The following XPO6 variants were observed in gnomAD, a reference collection of about 807,000 sequenced individuals.
XPO6 encodes exportin-6.
Under a neutral mutation model 130.0 loss-of-function variants are expected in XPO6, and 3 were observed. The ratio of observed to expected loss-of-function variants is 0.02; its 90% CI spans 0.01 to 0.06. The LOEUF is 0.06. Ranked by LOEUF, XPO6 falls within the 10% of genes least tolerant of loss-of-function variation. The pLI is 1.00. For missense variants in XPO6, 970 were observed against 1,393.0 expected (o/e 0.70, Z 4.83); for synonymous variants, 524 against 548.9 (o/e 0.95, Z 0.63).
At chr16:28,171,452 C>CAAAAAAAAAAAAAAAAAA in intron 4 of XPO6, among the ~76,000 whole-genome samples, 2 of 99,108 alleles carry the variant, frequency 2.0e-5, no homozygotes, top group Middle Eastern at 5.7e-3. Flanking sequence ...GACTCTGTCT[C>CAAAAAAAAAAAAAAAAAA]AAAAAAAAAA....
rs778547858 is a variant in XPO6, at chr16:28,107,646, G to C, written c.2373C>G (p.Val791=). The C allele has an allele frequency of 1.2e-6, 2 of 1,614,072 alleles. No homozygotes were observed. Among genetic ancestry groups the C allele is most frequent in the Admixed American group, 1.7e-5 (1 of 60,024 alleles). Residue 791 remains valine (V), a synonymous_variant, in exon 18 of 24, where the codon GTC becomes GTG. Coordinates refer to ENST00000304658, the MANE Select transcript of XPO6 (RefSeq NM_015171.4). ...TKLIIHQTLS[V]LEDIVENISG... The stretch of plus-strand genomic sequence containing the variant: ...AGATATTCTCCACAATATCTTCTAA[G>C]ACGCTGAGTGTCTGGTGGATAATCA...
chr16:28,156,214 G>T lies in XPO6; in HGVS notation c.957C>A (p.Leu319=), dbSNP rs765183621. The change falls in exon 7 of 24, where the codon CTC becomes CTA. Residue 319 remains leucine, a synonymous_variant. Coordinates refer to ENST00000304658, the MANE Select transcript of XPO6 (RefSeq NM_015171.4). ...CCATAGGCACACAGTTCTTGGACAT[G>T]AGTTCATTGATGCAGGACATGGCCA... is the stretch of plus-strand genomic sequence containing the variant. The part of the protein sequence containing the change: ...GVLAMSCINE[L]MSKNCVPMEF... The T allele has an allele frequency of 1.2e-6, 2 of 1,614,170 alleles. No homozygotes were observed.
At chr16:28,192,336 G>A (rs2043800554) in intron 1 of XPO6, among the ~76,000 whole-genome samples, 1 of 151,830 alleles carries the variant, frequency 6.6e-6, no homozygotes, top group Non-Finnish European at 1.5e-5. Context: ...ATTACTACTG[G>A]GAACTGGGGT....
At position 28,132,178 on chromosome 16, in the gene XPO6, C is replaced by A. The variant is rs1284756132; in HGVS notation, c.1606+156G>T. On this transcript the variant is annotated intron_variant, in intron 12 of 23. Coordinates refer to ENST00000304658, the MANE Select transcript of XPO6 (RefSeq NM_015171.4). This position sits in a 1 kb window ranked among gnomAD's most constrained non-coding sequence, Gnocchi z 4.0. ...TCCCCCACAGCTTTTCATCATAAGC[C>A]TTTAAAAACGTTCCCTGTTTCGAAG... Among the ~76,000 whole-genome samples, 1 of 152,192 alleles carries A rather than the reference C, an allele frequency of 6.6e-6. No individual in the cohort carries two copies. The highest frequency in any genetic ancestry group is 1.5e-5 in the Non-Finnish European group (1 of 68,028).
chr16:28,176,121 A>C, intron 3 of XPO6, 26 bp from the exon 4 acceptor site: 1 of 1,611,506 alleles, frequency 6.2e-7, no homozygotes. Context: ...ACATCTTTTA[A>C]GTTAACAACC....
chr16:28,205,980 G>A (rs1186256909), intron 1 of XPO6, among the ~76,000 whole-genome samples: 2 of 149,078 alleles, frequency 1.3e-5, no homozygotes, highest in Non-Finnish European at 1.5e-5. Context: ...AGAGACTGCA[G>A]TGAGCTGAGA....
Position 28,101,045 on chromosome 16 carries a change from G to C in XPO6, c.3276+413C>G. ...GAACCTGGGTCCCACCTCTAACCCT[G>C]GGGACCCAGAAGTGCAGCTCCCAAG... On this transcript the variant is annotated intron_variant, in intron 23 of 23. Transcript: ENST00000304658. The surrounding 1 kb of genome is among the most constrained non-coding windows in gnomAD (Gnocchi z 5.4). The C allele has an allele frequency of 3.4e-6, 1 of 293,620 alleles. No homozygotes were observed. 18.2% of individuals were successfully genotyped at this position (293,620 alleles called of 1,614,324 possible). A position where few individuals can be genotyped will look rare whatever the true frequency, so the allele number is the denominator to read the frequency against.
In XPO6 at chr16:28,132,762, A is replaced by AT. The variant is rs1489943012; in HGVS notation, c.1537-360dup. 2.7e-5 allele frequency among the ~76,000 whole-genome samples: 4 copies of AT among 147,450 alleles called. No individual in the cohort carries two copies. In the Admixed American group the frequency reaches 2.8e-4, roughly 10 times the overall value. On this transcript the variant is annotated intron_variant, in intron 11 of 23. Coordinates refer to ENST00000304658, the MANE Select transcript of XPO6 (RefSeq NM_015171.4). This position sits in a 1 kb window ranked among gnomAD's most constrained non-coding sequence, Gnocchi z 4.0. ...CCTTCTAGAACTCTGAGAAGGGACC[A>AT]TATCTCCCTTCAAATCCAAGGGAAC...
At chr16:28,152,446 G>A (rs1285077723) in intron 8 of XPO6, among the ~76,000 whole-genome samples, 1 of 152,172 alleles carries the variant, frequency 6.6e-6, no homozygotes, top group Admixed American at 6.5e-5. Flanking sequence ...GTTACTCTTT[G>A]TGCCTCAGTC....
At chr16:28,143,787 C>T (rs1358402682) in intron 9 of XPO6, among the ~76,000 whole-genome samples, 1 of 152,116 alleles carries the variant, frequency 6.6e-6, no homozygotes, top group Non-Finnish European at 1.5e-5. Context: ...CAGATGCCTG[C>T]CACCACGCCC....
chr16:28,121,348 C>T (rs2087232185), intron 14 of XPO6, among the ~76,000 whole-genome samples: 3 of 152,224 alleles, frequency 2.0e-5, no homozygotes. Context: ...TCCCAACACA[C>T]CTATCCAGTC....
intron 6 of XPO6, among the ~76,000 whole-genome samples, chr16:28,158,790 T>C (rs929297789): frequency 6.6e-6 from 1 of 152,202 alleles, no homozygotes; most frequent in Non-Finnish European, 1.5e-5. Flanking sequence ...GGCCCAGGAA[T>C]CTGTGTTCTT....
At chr16:28,141,275 A>C (rs2042886388) in intron 9 of XPO6, among the ~76,000 whole-genome samples, 1 of 152,240 alleles carries the variant, frequency 6.6e-6, no homozygotes, top group Non-Finnish European at 1.5e-5. Context: ...ACAGAACATG[A>C]CACAATGACT....
chr16:28,128,398 C>T (rs2042602105), intron 12 of XPO6, among the ~76,000 whole-genome samples: 1 of 152,198 alleles, frequency 6.6e-6, no homozygotes, highest in East Asian at 1.9e-4. Flanking sequence ...GCACTCTCCA[C>T]ATGCTCAACC....
Position 28,207,287 on chromosome 16 carries a change from C to G in XPO6, c.3+4079G>C, listed in dbSNP as rs112374012. Among the ~76,000 whole-genome samples, 536 of 150,756 alleles carry G rather than the reference C, an allele frequency of 3.6e-3. 5 individuals carry two copies. The highest frequency in any genetic ancestry group is 0.013 in the African/African-American group (518 of 40,588). On this transcript the variant is annotated intron_variant, in intron 1 of 23. Coordinates refer to ENST00000304658, the MANE Select transcript of XPO6 (RefSeq NM_015171.4). The stretch of plus-strand genomic sequence containing the variant: ...AAAGAAAGAAAGAAAGAAAACAAAC[C>G]TTAGCAGGCAATTCAATTTCTAAGC...
chr16:28,181,778 G>C (rs1347746130), intron 1 of XPO6, among the ~76,000 whole-genome samples: 1 of 152,162 alleles, frequency 6.6e-6, no homozygotes, highest in African/African-American at 2.4e-5. Context: ...GCAGCTGAGA[G>C]CCAAGCTAAC....
chr16:28,179,652 G>C (rs2043585718), intron 2 of XPO6, among the ~76,000 whole-genome samples: 1 of 152,216 alleles, frequency 6.6e-6, no homozygotes, highest in East Asian at 1.9e-4. Context: ...ACCTTTGCTG[G>C]AGGGTGGGTG....
intron 13 of XPO6, 31 bp downstream of exon 13, chr16:28,125,658 G>A: frequency 1.2e-6 from 2 of 1,603,262 alleles, no homozygotes; most frequent in Non-Finnish European, 1.7e-6. Context: ...TCTGAAGAAG[G>A]AACAGCTCCA....
At chr16:28,116,453 C>T (rs1287847293) in intron 15 of XPO6, among the ~76,000 whole-genome samples, 1 of 149,934 alleles carries the variant, frequency 6.7e-6, no homozygotes, top group Non-Finnish European at 1.5e-5. Flanking sequence ...CAGAGCGAGA[C>T]TCCATCTCAA....
Sources: gnomAD v4.1 joint callset for allele counts (sites outside exome capture counted in the v4.1 genomes callset) on GRCh38, gnomAD v4.1.1 for gene constraint, Gnocchi (gnomAD v3.1) non-coding constraint, MANE v1.5 for transcripts, NCBI Gene and HGNC (gene_info 2026-07-23, HGNC 2026-07-21) for gene names.